The following C16orf87 variants were observed in gnomAD, a reference collection of about 807,000 sequenced individuals.
C16orf87 encodes the protein HDAC and MIER1 interacting protein 1.
C16orf87 carries 13 observed loss-of-function variants against 21.0 expected under a neutral mutation model. The observed-to-expected ratio is 0.62, with a 90% confidence interval of 0.40 to 0.98. C16orf87 has a LOEUF of 0.98. Among genes scored for constraint, C16orf87 ranks in the 50% least tolerant of loss-of-function variants. C16orf87 has a pLI of 0.00. For synonymous variants in C16orf87, 49 were observed against 60.2 expected (o/e 0.81, Z 0.86); for missense variants, 113 against 180.4 (o/e 0.63, Z 2.14).
intron 2 of C16orf87, among the ~76,000 whole-genome samples, chr16:46,823,294 C>T (rs1349448263): frequency 2.6e-5 from 4 of 152,208 alleles, no homozygotes; most frequent in African/African-American, 9.6e-5. Flanking sequence ...ACCAGTAAAT[C>T]TGCCTTAACA....
chr16:46,823,192 T>C (rs1206852416), intron 2 of C16orf87, among the ~76,000 whole-genome samples: 1 of 152,168 alleles, frequency 6.6e-6, no homozygotes, highest in Non-Finnish European at 1.5e-5. Context: ...AGTCACTTCA[T>C]AGGACTATAA....
At chr16:46,826,659 C>T (rs1445437374) in intron 1 of C16orf87, among the ~76,000 whole-genome samples, 1 of 152,020 alleles carries the variant, frequency 6.6e-6, no homozygotes, top group African/African-American at 2.4e-5. Context: ...AATGAGATCC[C>T]TTCAAATCAC....
chr16:46,828,218 G>A (rs1959699215), intron 1 of C16orf87, among the ~76,000 whole-genome samples: 1 of 152,104 alleles, frequency 6.6e-6, no homozygotes, highest in South Asian at 2.1e-4. Flanking sequence ...GTGAGCCACT[G>A]CACACAGCCA....
intron 1 of C16orf87, among the ~76,000 whole-genome samples, chr16:46,830,292 G>GAT: frequency 6.9e-6 from 1 of 144,070 alleles, no homozygotes; most frequent in Non-Finnish European, 1.5e-5. Flanking sequence ...GAGAGAGAGA[G>GAT]AGAGAGAGAG....
At position 46,802,725 on chromosome 16, in the gene C16orf87, C is replaced by A; in HGVS notation, c.*227G>T. 2.8e-6 allele frequency: 1 copy of A among 354,856 alleles called. No homozygotes were observed. The highest frequency in any genetic ancestry group is 5.1e-6 in the Non-Finnish European group (1 of 197,096). 22.0% of individuals were successfully genotyped at this position (354,856 alleles called of 1,614,324 possible). ...TTGGCAAATACACTTACTTATATCCCAAACACAAAACACTGACAATACTCC... is the reference window on the plus strand; with the variant it reads ...TTGGCAAATACACTTACTTATATCCAAAACACAAAACACTGACAATACTCC... On this transcript the variant is annotated 3_prime_UTR_variant, in exon 4 of 4. Transcript: ENST00000285697.
chr16:46,826,862 C>T (rs1959640712), intron 1 of C16orf87, among the ~76,000 whole-genome samples: 1 of 152,190 alleles, frequency 6.6e-6, no homozygotes, highest in Non-Finnish European at 1.5e-5. Context: ...CCAAAATACG[C>T]AAATGCATGT....
chr16:46,803,353 A>T (rs1967832434), intron 3 of C16orf87, among the ~76,000 whole-genome samples: 2 of 152,220 alleles, frequency 1.3e-5, no homozygotes, highest in Admixed American at 1.3e-4. Context: ...TCACTGTCTC[A>T]ATCAAAATGA....
At chr16:46,803,257 A>T (rs545649126) in intron 3 of C16orf87, among the ~76,000 whole-genome samples, 187 bp from the exon 4 acceptor site, 72 of 152,328 alleles carry the variant, frequency 4.7e-4, no homozygotes, top group Non-Finnish European at 5.7e-4. Flanking sequence ...TGAAATGAAG[A>T]TTAAATGAAG....
chr16:46,823,088 A>G (rs1959481818), intron 2 of C16orf87, among the ~76,000 whole-genome samples: 1 of 152,180 alleles, frequency 6.6e-6, no homozygotes, highest in South Asian at 2.1e-4. Flanking sequence ...CCCTGATCTT[A>G]TCATGGCTAG....
rs1967700901 is a variant in C16orf87 at position 46,799,032 on chromosome 16, G to T, written c.*3920C>A. ...GTCCCAACCAGTGCAATAAGGCAAAGAAAAAAATATAGAAATTATCAATAA... is the reference window on the plus strand; with the variant it reads ...GTCCCAACCAGTGCAATAAGGCAAATAAAAAAATATAGAAATTATCAATAA... On this transcript the variant is annotated 3_prime_UTR_variant, in exon 4 of 4. Coordinates refer to ENST00000285697, the MANE Select transcript of C16orf87 (RefSeq NM_001001436.4). The T allele has an allele frequency of 6.6e-6, 1 of 151,914 alleles. No individual in the cohort carries two copies. Among genetic ancestry groups the T allele is most frequent in the African/African-American group, 2.4e-5 (1 of 41,390 alleles). The allele number at this position is 151,914 out of a possible 1,614,324, so 9.4% of individuals were successfully genotyped here. A position where few individuals can be genotyped will look rare whatever the true frequency, so the allele number is the denominator to read the frequency against.
Position 46,811,235 on chromosome 16 carries a change from G to A in C16orf87, c.164-1450C>T, listed in dbSNP as rs984157521. ...AAGAGAGAAGCAGGCCAGGCGCGGTGGCTCACACCCATAATCCTAGCACTT... is the reference window on the plus strand; with the variant it reads ...AAGAGAGAAGCAGGCCAGGCGCGGTAGCTCACACCCATAATCCTAGCACTT... On this transcript the variant is annotated intron_variant, in intron 2 of 3. Transcript: ENST00000285697. 4.6e-5 allele frequency among the ~76,000 whole-genome samples: 7 copies of A among 152,196 alleles called. 1 individual carries two copies. The highest frequency in any genetic ancestry group is 4.6e-4 in the Admixed American group (7 of 15,282).
At chr16:46,830,305 A>AGAGAGAGG (rs1567320192) in intron 1 of C16orf87, among the ~76,000 whole-genome samples, 1 of 148,524 alleles carries the variant, frequency 6.7e-6, no homozygotes, top group African/African-American at 2.5e-5. Flanking sequence ...AGAGAGAGAG[A>AGAGAGAGG]GAGACACACA....
chr16:46,823,600 A>C (rs1306579589), intron 2 of C16orf87, among the ~76,000 whole-genome samples: 1 of 152,210 alleles, frequency 6.6e-6, no homozygotes, highest in Non-Finnish European at 1.5e-5. Context: ...AACGTTTTTC[A>C]TACCAAAACC....
At chr16:46,809,140 T>C (rs535950330) in intron 3 of C16orf87, among the ~76,000 whole-genome samples, 17 of 151,236 alleles carry the variant, frequency 1.1e-4, no homozygotes, top group African/African-American at 2.9e-4. Context: ...CTACAAAAAA[T>C]TAGCTAGGCA....
intron 2 of C16orf87, among the ~76,000 whole-genome samples, chr16:46,812,020 G>A (rs1349003848): frequency 1.3e-5 from 2 of 152,070 alleles, no homozygotes; most frequent in African/African-American, 2.4e-5. Context: ...AAAGGGGGCG[G>A]ATCACCTGAG....
chr16:46,817,916 CAAAAAAA>C (rs1056745014), intron 2 of C16orf87, among the ~76,000 whole-genome samples: 1 of 68,284 alleles, frequency 1.5e-5, no homozygotes, highest in East Asian at 5.0e-4. Flanking sequence ...CATCAAAAAG[CAAAAAAA>C]AAAAAAAAAA....
intron 2 of C16orf87, among the ~76,000 whole-genome samples, chr16:46,813,632 C>T (rs1968162437): frequency 6.6e-6 from 1 of 152,150 alleles, no homozygotes; most frequent in Non-Finnish European, 1.5e-5. Context: ...TGCTCAAGCT[C>T]ACCACTTTGT....
Position 46,798,453 on chromosome 16 carries a change from T to A in C16orf87, c.*4499A>T, listed in dbSNP as rs1967677771. On this transcript the variant is annotated 3_prime_UTR_variant, in exon 4 of 4. Transcript: ENST00000285697. ...AACTCGGGAGGCAGAGGTTGCAAGGTTGCATTGAGCCAAGATCACACCACT... is the reference window on the plus strand; with the variant it reads ...AACTCGGGAGGCAGAGGTTGCAAGGATGCATTGAGCCAAGATCACACCACT... 2.0e-5 allele frequency: 3 copies of A among 152,470 alleles called. No homozygotes were observed. 9.4% of individuals were successfully genotyped at this position (152,470 alleles called of 1,614,324 possible).
intron 2 of C16orf87, 152 bp downstream of exon 2, chr16:46,824,234 T>A (rs1959529378): frequency 3.6e-6 from 2 of 553,912 alleles, no homozygotes; most frequent in Non-Finnish European, 6.4e-6. Flanking sequence ...GAAACCAACG[T>A]CGTAAACTAA....
Sources: allele counts gnomAD v4.1 joint callset (sites outside exome capture counted in the v4.1 genomes callset), GRCh38; gene constraint gnomAD v4.1.1; transcripts MANE v1.5; gene names NCBI Gene and HGNC (gene_info 2026-07-23, HGNC 2026-07-21).